Variants in INTS7 observed in about 807,000 individuals in gnomAD.
INTS7 encodes the protein chromosome 1 open reading frame 73.
A neutral mutation model predicts 109.2 loss-of-function variants in INTS7; 46 were observed. The observed-to-expected ratio is 0.42, with a 90% CI of 0.33 to 0.54. The LOEUF (loss-of-function observed/expected upper bound fraction) is 0.54. Among genes scored for constraint, INTS7 ranks in the 20% least tolerant of loss-of-function variants. INTS7 has a pLI of 0.07. For synonymous variants in INTS7, 412 were observed against 402.9 expected (o/e 1.02, Z -0.27); for missense variants, 929 against 1,132.4 (o/e 0.82, Z 2.58).
rs1342769451 is a variant in INTS7, at chr1:211,940,516, A to G, written c.*1308T>C. 1 of 152,168 alleles carries G rather than the reference A, an allele frequency of 6.6e-6. No individual in the cohort carries two copies. 9.4% of individuals were successfully genotyped at this position (152,168 alleles called of 1,614,324 possible). ...TAGCATCGGCATCTGCAACCATATG[A>G]TCCCTGATGTTTAGAAATCGTGATC... On this transcript the variant is annotated 3_prime_UTR_variant, in exon 20 of 20. Coordinates refer to ENST00000366994, the MANE Select transcript of INTS7 (RefSeq NM_015434.4).
chr1:212,035,190 G>C (rs972455745), intron 1 of INTS7, among the ~76,000 whole-genome samples, 154 bp downstream of exon 1: 1 of 152,138 alleles, frequency 6.6e-6, no homozygotes, highest in African/African-American at 2.4e-5. Flanking sequence ...CTCCCGAAGG[G>C]GTCAAAGCCC....
At chr1:211,997,597 G>A (rs1665464215) in intron 7 of INTS7, among the ~76,000 whole-genome samples, 1 of 148,724 alleles carries the variant, frequency 6.7e-6, no homozygotes, top group Non-Finnish European at 1.5e-5. Context: ...CAATACTATT[G>A]GCCAGGCACA....
chr1:211,966,242 G>A, intron 16 of INTS7, 188 bp downstream of exon 16: 1 of 397,424 alleles, frequency 2.5e-6, no homozygotes, highest in South Asian at 6.7e-5. Flanking sequence ...TTAACTTTTT[G>A]AAAACAGGAG....
chr1:211,942,200 A>G lies in INTS7; in HGVS notation c.2602-89T>C. 7.4e-7 allele frequency: 1 copy of G among 1,359,296 alleles called. No individual in the cohort carries two copies. The highest frequency in any genetic ancestry group is 1.0e-6 in the Non-Finnish European group (1 of 986,032). 84.2% of individuals were successfully genotyped at this position (1,359,296 alleles called of 1,614,324 possible). A position where few individuals can be genotyped will look rare whatever the true frequency, so the allele number is the denominator to read the frequency against. ...TAGGCCCTGTTCTAAGAGCTTATTT[A>G]GACCATGCAGACAATAAAAAATTAG... On this transcript the variant is annotated intron_variant, in intron 19 of 19. Coordinates refer to ENST00000366994, the MANE Select transcript of INTS7 (RefSeq NM_015434.4). The surrounding 1 kb of genome is among the most constrained non-coding windows in gnomAD (Gnocchi z 4.2).
Position 212,011,379 on chromosome 1 carries a change from A to G in INTS7, c.552T>C (p.Ile184=). ...VGICNKISEM[I]QGLATPVDLK... Reference sequence around the variant, plus strand: ...TACTAAATGAAGAATACATACCTTGAATCATTTCACTGATTTTGTTACAGA... The same window carrying G: ...TACTAAATGAAGAATACATACCTTGGATCATTTCACTGATTTTGTTACAGA... The change falls in exon 5 of 20, where the codon ATT becomes ATC. Residue 184 remains isoleucine, a synonymous_variant. Coordinates refer to ENST00000366994, the MANE Select transcript of INTS7 (RefSeq NM_015434.4). The G allele has an allele frequency of 6.4e-7, 1 of 1,553,832 alleles. No homozygotes were observed. Among genetic ancestry groups the G allele is most frequent in the Non-Finnish European group, 8.8e-7 (1 of 1,130,384 alleles).
Position 211,982,819 on chromosome 1 carries a change from G to C in INTS7, c.998-9C>G. On this transcript the variant is annotated splice_polypyrimidine_tract_variant and intron_variant, in intron 8 of 19. Coordinates refer to ENST00000366994, the MANE Select transcript of INTS7 (RefSeq NM_015434.4). ...AGAAGAACTCACATTTCCTAAAAAA[G>C]CAGAGAAAAGTAGTAGAAATTGTAA... 3 of 1,596,152 alleles carry C rather than the reference G, an allele frequency of 1.9e-6. No individual in the cohort carries two copies. The highest frequency in any genetic ancestry group is 2.6e-6 in the Non-Finnish European group (3 of 1,169,384).
chr1:211,954,576 A>C (rs1372145826), intron 16 of INTS7, among the ~76,000 whole-genome samples: 4 of 152,216 alleles, frequency 2.6e-5, no homozygotes, highest in East Asian at 1.9e-4. Flanking sequence ...TTTTTGTATA[A>C]GGTGTAAGGA....
At chr1:211,943,644 G>A (rs1157661339) in intron 19 of INTS7, among the ~76,000 whole-genome samples, 1 of 152,206 alleles carries the variant, frequency 6.6e-6, no homozygotes. Flanking sequence ...AGTGGACAGA[G>A]TGCCAAAGTG....
intron 4 of INTS7, among the ~76,000 whole-genome samples, chr1:212,015,113 G>A (rs926883929): frequency 8.0e-5 from 12 of 149,756 alleles, no homozygotes; most frequent in South Asian, 2.1e-4. Context: ...CCGGGCAGCC[G>A]CCCCGTCCGG....
chr1:212,029,713 C>T (rs1233091029), intron 1 of INTS7, among the ~76,000 whole-genome samples: 1 of 152,182 alleles, frequency 6.6e-6, no homozygotes, highest in Non-Finnish European at 1.5e-5. Context: ...CAATTTAGGA[C>T]AATTTGTGAC....
chr1:212,015,858 T>C (rs1666413178), intron 4 of INTS7, among the ~76,000 whole-genome samples: 1 of 151,490 alleles, frequency 6.6e-6, no homozygotes. Context: ...AAAAATTATA[T>C]ACCATCTTAC....
chr1:212,000,116 AG>A (rs1665595911), intron 7 of INTS7, among the ~76,000 whole-genome samples: 1 of 152,212 alleles, frequency 6.6e-6, no homozygotes, highest in African/African-American at 2.4e-5. Flanking sequence ...AAGAAAAAAA[AG>A]AAAGAAAGAA....
chr1:212,006,666 T>C lies in INTS7; in HGVS notation c.852A>G (p.Pro284=). 2 of 1,573,796 alleles carry C rather than the reference T, an allele frequency of 1.3e-6. No homozygotes were observed. Among genetic ancestry groups the C allele is most frequent in the Non-Finnish European group, 1.7e-6 (2 of 1,145,934 alleles). ...QDLKLLANKT[P]HTWSRENIQA... ...GAATATTCTCCCTACTCCAAGTATG[T>C]GGTGTTTTATTAGCAAGTAATTTCA... Residue 284 remains proline, a synonymous_variant, in exon 7 of 20, where the codon CCA becomes CCG. Coordinates refer to ENST00000366994, the MANE Select transcript of INTS7 (RefSeq NM_015434.4).
At chr1:211,951,852 T>C (rs1663107830) in intron 17 of INTS7, among the ~76,000 whole-genome samples, 1 of 152,154 alleles carries the variant, frequency 6.6e-6, no homozygotes, top group Non-Finnish European at 1.5e-5. Flanking sequence ...TACTGGGGAA[T>C]GGTCAGACAG....
chr1:212,011,353 A>T, intron 5 of INTS7, 22 bp downstream of exon 5: 1 of 1,345,444 alleles, frequency 7.4e-7, no homozygotes, highest in Non-Finnish European at 1.0e-6. Flanking sequence ...TCACTTCATA[A>T]TACTAAATGA....
chr1:211,999,149 G>C (rs1459408111), intron 7 of INTS7, among the ~76,000 whole-genome samples: 2 of 152,206 alleles, frequency 1.3e-5, no homozygotes, highest in Admixed American at 6.5e-5. Context: ...ATTTAACCAA[G>C]AGATGTCACA....
rs9661776 is a variant in INTS7 at position 211,998,446 on chromosome 1, A to G, written c.879+8193T>C. ...TCAACTGATTTTCAACAAAGATGCT[A>G]AAGTAATTCAATGGGGAAAGAAAAG... On this transcript the variant is annotated intron_variant, in intron 7 of 19. Transcript: ENST00000366994. 7.8e-3 allele frequency among the ~76,000 whole-genome samples: 1,189 copies of G among 152,350 alleles called. 19 individuals carry two copies. Among genetic ancestry groups the G allele is most frequent in the African/African-American group, 0.026 (1,086 of 41,582 alleles).
chr1:211,943,563 A>C (rs1289533133), intron 19 of INTS7, among the ~76,000 whole-genome samples: 1 of 152,202 alleles, frequency 6.6e-6, no homozygotes, highest in Non-Finnish European at 1.5e-5. Flanking sequence ...GTGGCTACAT[A>C]AGGTACCATG....
intron 16 of INTS7, among the ~76,000 whole-genome samples, chr1:211,961,612 A>T (rs1283423274): frequency 2.0e-5 from 3 of 151,972 alleles, no homozygotes; most frequent in African/African-American, 7.3e-5. Context: ...TATTTTTAGT[A>T]GAGACGGGGT....
Sources: allele counts gnomAD v4.1 joint callset (sites outside exome capture counted in the v4.1 genomes callset), GRCh38; gene constraint gnomAD v4.1.1; non-coding constraint Gnocchi (gnomAD v3.1); transcripts MANE v1.5; gene names NCBI Gene and HGNC (gene_info 2026-07-23, HGNC 2026-07-21).